MCU: variants seen among roughly 807,000 people sequenced by gnomAD.
The protein encoded by MCU is mitochondrial calcium uniporter.
In MCU, 12 loss-of-function variants were observed where a neutral mutation model predicts 45.2. The ratio of observed to expected loss-of-function variants is 0.27; its 90% confidence interval spans 0.17 to 0.43. The LOEUF is 0.43. MCU is among the 20% of genes least tolerant of loss of function. MCU has a pLI of 1.00. For missense variants in MCU, 324 were observed against 436.7 expected, an observed-to-expected ratio of 0.74 and a Z score of 2.30; for synonymous variants, 160 against 165.1, an observed-to-expected ratio of 0.97 and a Z score of 0.24.
At chr10:72,866,004 C>G (rs1361666085) in intron 4 of MCU, among the ~76,000 whole-genome samples, 4 of 150,188 alleles carry the variant, frequency 2.7e-5, no homozygotes, top group Admixed American at 6.6e-5. Context: ...GTCTTGATCT[C>G]CTGACCTCGT....
At chr10:72,842,551 A>G (rs550413225) in intron 2 of MCU, among the ~76,000 whole-genome samples, 7 of 152,306 alleles carry the variant, frequency 4.6e-5, no homozygotes, top group African/African-American at 1.4e-4. Flanking sequence ...TCAATTTACC[A>G]TGTTCCAAAA....
intron 1 of MCU, among the ~76,000 whole-genome samples, chr10:72,734,718 A>G (rs1286855944): frequency 1.3e-5 from 2 of 152,010 alleles, no homozygotes; most frequent in Admixed American, 6.5e-5. Context: ...GGCTCAAGCA[A>G]TCCTCCCACC....
At chr10:72,732,236 A>G (rs1843186179) in intron 1 of MCU, among the ~76,000 whole-genome samples, 1 of 152,218 alleles carries the variant, frequency 6.6e-6, no homozygotes, top group Non-Finnish European at 1.5e-5. Context: ...CCTATTCAGC[A>G]CTTTAGCCCA....
chr10:72,811,350 GT>G (rs1436799327), intron 1 of MCU, among the ~76,000 whole-genome samples: 2 of 152,164 alleles, frequency 1.3e-5, no homozygotes, highest in African/African-American at 4.8e-5. Flanking sequence ...GTTCATGTGT[GT>G]TTTTTGTTGA....
At chr10:72,748,163 T>C (rs1225409703) in intron 1 of MCU, among the ~76,000 whole-genome samples, 1 of 151,942 alleles carries the variant, frequency 6.6e-6, no homozygotes, top group African/African-American at 2.4e-5. Context: ...TTCTCCTGCC[T>C]CAGCCACCTG....
At chr10:72,778,282 C>T (rs1179119631) in intron 1 of MCU, among the ~76,000 whole-genome samples, 1 of 152,110 alleles carries the variant, frequency 6.6e-6, no homozygotes, top group African/African-American at 2.4e-5. Context: ...CCTAAGTGCC[C>T]ATCAATGGAT....
chr10:72,862,216 T>A (rs1589501864), intron 4 of MCU, among the ~76,000 whole-genome samples: 1 of 151,492 alleles, frequency 6.6e-6, no homozygotes, highest in African/African-American at 2.4e-5. Flanking sequence ...CTCCTGACCT[T>A]GTGATCTGCC....
intron 5 of MCU, among the ~76,000 whole-genome samples, chr10:72,870,379 C>T (rs931168522): frequency 3.3e-5 from 5 of 152,110 alleles, no homozygotes; most frequent in African/African-American, 7.2e-5. Context: ...CCCGGGTTCA[C>T]GCCATTCTCC....
intron 1 of MCU, among the ~76,000 whole-genome samples, chr10:72,715,555 G>T (rs1012129282): frequency 3.3e-5 from 5 of 152,162 alleles, no homozygotes; most frequent in African/African-American, 1.2e-4. Flanking sequence ...ATTTAATAGG[G>T]TGTGGATGAC....
intron 1 of MCU, among the ~76,000 whole-genome samples, chr10:72,784,890 T>C (rs929871682): frequency 2.0e-5 from 3 of 152,158 alleles, no homozygotes; most frequent in African/African-American, 7.2e-5. Context: ...ATGCCCTTGT[T>C]GGAGTGAGGA....
intron 1 of MCU, among the ~76,000 whole-genome samples, chr10:72,821,439 G>T (rs933763993): frequency 2.6e-5 from 4 of 151,958 alleles, no homozygotes; most frequent in African/African-American, 9.7e-5. Flanking sequence ...AAAACCAATT[G>T]GTTTATGTAA....
chr10:72,744,879 T>A (rs1355300828), intron 1 of MCU, among the ~76,000 whole-genome samples: 1 of 152,184 alleles, frequency 6.6e-6, no homozygotes, highest in East Asian at 1.9e-4. Flanking sequence ...GGGTCACCAG[T>A]TGAGATTTAA....
rs35164146 is a variant in MCU at position 72,722,316 on chromosome 10, C to CAA, written c.150+30041_150+30042dup. On this transcript the variant is annotated intron_variant, in intron 1 of 7. Transcript: ENST00000373053. ...GGGCAACAAGAGTGAAACTCCATCT[C>CAA]AAAAAAAAAAAAAAAAAAAAAAAAA... 1.7e-3 allele frequency among the ~76,000 whole-genome samples: 34 copies of CAA among 20,150 alleles called. 1 individual carries two copies. Among genetic ancestry groups the CAA allele is most frequent in the East Asian group, 2.8e-3 (1 of 356 alleles). The allele number at this position is 20,150 out of a possible 152,430, so 13.2% of individuals were successfully genotyped here.
In MCU at chr10:72,742,022, C is replaced by CAAAA. The variant is rs59028044; in HGVS notation, c.150+49741_150+49744dup. On this transcript the variant is annotated intron_variant, in intron 1 of 7. Coordinates refer to ENST00000373053, the MANE Select transcript of MCU (RefSeq NM_138357.3). ...TGGGCGACAGAGCAAGACTCCGTCT[C>CAAAA]AAAAAAAAAAAAAAAAAAAAAAACA... Among the ~76,000 whole-genome samples, 285 of 72,694 alleles carry CAAAA rather than the reference C, an allele frequency of 3.9e-3. 1 individual carries two copies. The highest frequency in any genetic ancestry group is 4.8e-3 in the Non-Finnish European group (201 of 41,916). 47.7% of individuals were successfully genotyped at this position (72,694 alleles called of 152,430 possible). A position where few individuals can be genotyped will look rare whatever the true frequency, so the allele number is the denominator to read the frequency against.
intron 1 of MCU, among the ~76,000 whole-genome samples, chr10:72,830,030 T>C (rs919775537): frequency 6.6e-6 from 1 of 152,200 alleles, no homozygotes; most frequent in Non-Finnish European, 1.5e-5. Context: ...GAAACTGTTC[T>C]ATAAGCAAGG....
At position 72,703,733 on chromosome 10, in the gene MCU, A is replaced by G. The variant is rs372107644; in HGVS notation, c.150+11432A>G. 1.1e-4 allele frequency among the ~76,000 whole-genome samples: 16 copies of G among 152,062 alleles called. No individual in the cohort carries two copies. The East Asian group carries it at 2.3e-3, about 22-fold the overall frequency. ...CAGCCTGGGCAACATGGTGAAACCA[A>G]CCTAATACAAAAATTAGCCTAGCAT... On this transcript the variant is annotated intron_variant, in intron 1 of 7. Coordinates refer to ENST00000373053, the MANE Select transcript of MCU (RefSeq NM_138357.3).
intron 1 of MCU, among the ~76,000 whole-genome samples, chr10:72,729,534 C>T (rs766154048): frequency 2.0e-5 from 3 of 152,192 alleles, no homozygotes; most frequent in Admixed American, 6.5e-5. Context: ...CCCACAAACA[C>T]GTGAGATAAA....
intron 1 of MCU, among the ~76,000 whole-genome samples, chr10:72,706,298 A>G (rs1842819147): frequency 6.6e-6 from 1 of 151,580 alleles, no homozygotes; most frequent in Non-Finnish European, 1.5e-5. Context: ...TCCCCTGTAC[A>G]TTAGAAATAT....
chr10:72,852,185 A>G (rs1296148425), intron 2 of MCU, among the ~76,000 whole-genome samples: 2 of 152,232 alleles, frequency 1.3e-5, no homozygotes, highest in East Asian at 3.8e-4. Context: ...AAATATTCTC[A>G]TGTTAGTGGT....
Sources: allele counts gnomAD v4.1 joint callset (sites outside exome capture counted in the v4.1 genomes callset), GRCh38; gene constraint gnomAD v4.1.1; transcripts MANE v1.5; gene names NCBI Gene and HGNC (gene_info 2026-07-23, HGNC 2026-07-21).